Variants in NDRG3 observed in about 807,000 individuals in gnomAD.
NDRG3 encodes protein NDRG3.
Under a neutral mutation model 57.2 loss-of-function variants are expected in NDRG3, and 23 were observed. The ratio of observed to expected loss-of-function variants is 0.40; its 90% CI spans 0.29 to 0.57. NDRG3 has a LOEUF of 0.57. NDRG3 is among the 20% of genes least tolerant of loss of function. The pLI is 0.42. For synonymous variants in NDRG3, 132 were observed against 162.6 expected (o/e 0.81, Z 1.43); for missense variants, 384 against 457.3 (o/e 0.84, Z 1.46).
chr20:36,682,456 A>C (rs2148099727), intron 7 of NDRG3, 62 bp downstream of exon 7: 1 of 1,309,380 alleles, frequency 7.6e-7, no homozygotes, highest in South Asian at 1.2e-5. Flanking sequence ...TTAACACAGC[A>C]GTAATAGCTG....
chr20:36,693,234 A>ATG (rs1982490806), intron 3 of NDRG3, among the ~76,000 whole-genome samples: 2 of 144,528 alleles, frequency 1.4e-5, no homozygotes, highest in East Asian at 2.0e-4. Flanking sequence ...ACGTATATAT[A>ATG]TGTGTGTATA....
chr20:36,712,140 C>T (rs923217377), intron 2 of NDRG3, among the ~76,000 whole-genome samples: 4 of 151,690 alleles, frequency 2.6e-5, no homozygotes, highest in African/African-American at 9.7e-5. Context: ...CCCAGACCCT[C>T]TTGAAGAATG....
Position 36,682,479 on chromosome 20 carries a change from T to C in NDRG3, c.444+39A>G, listed in dbSNP as rs775478162. ...GCAGTAATAGCTGTGACCCAGGCAC[T>C]GCCTCAAGGATGTTGAGGCTAATCC... On this transcript the variant is annotated intron_variant, in intron 7 of 15. Transcript: ENST00000349004. 4 of 1,552,456 alleles carry C rather than the reference T, an allele frequency of 2.6e-6. No individual in the cohort carries two copies. The African/African-American group carries it at 4.1e-5, about 16-fold the overall frequency.
rs1013668304 is a variant in NDRG3 at position 36,687,512 on chromosome 20, A to C, written c.300T>G (p.Gly100=). 6.2e-7 allele frequency: 1 copy of C among 1,613,692 alleles called. No individual in the cohort carries two copies. Among genetic ancestry groups the C allele is most frequent in the Non-Finnish European group, 8.5e-7 (1 of 1,179,956 alleles). The change falls in exon 5 of 16, where the codon GGT becomes GGG. Residue 100 remains glycine (G), a synonymous_variant. Transcript: ENST00000349004. The part of the protein sequence containing the change: ...CHVDAPGQQE[G]APSFPTGYQY... ...CTTACCCTGTTGGGAAAGAGGGTGC[A>C]CCTTCCTGCTGGCCTGGGGCATCCA...
chr20:36,668,786 A>G (rs1979860198), intron 9 of NDRG3: 1 of 151,298 alleles, frequency 6.6e-6, no homozygotes, highest in African/African-American at 2.4e-5. Flanking sequence ...TTATATATAT[A>G]CATAGTTATA....
chr20:36,657,198 C>A (rs1482471657), intron 13 of NDRG3, among the ~76,000 whole-genome samples: 1 of 152,074 alleles, frequency 6.6e-6, no homozygotes, highest in African/African-American at 2.4e-5. Context: ...CGAGATTGTG[C>A]ATTTCTGGCC....
intron 8 of NDRG3, among the ~76,000 whole-genome samples, chr20:36,675,307 G>C (rs1285106854): frequency 6.8e-6 from 1 of 147,560 alleles, no homozygotes; most frequent in Non-Finnish European, 1.5e-5. Flanking sequence ...TGATCCATCT[G>C]CCTCTGCCTC....
Position 36,668,767 on chromosome 20 carries a change from CATACATAGTTATATAT to C in NDRG3, c.589-2391_589-2376del, listed in dbSNP as rs1448375795. On this transcript the variant is annotated intron_variant, in intron 9 of 15. Transcript: ENST00000349004. ...AACATATATTTTTTATATATATGTA[CATACATAGTTATATAT>C]ATACATAGTTATATATAGAGAGAGA... 7.3e-5 allele frequency: 11 copies of C among 151,064 alleles called. No homozygotes were observed. The East Asian group carries it at 1.9e-3, about 27-fold the overall frequency. The allele number at this position is 151,064 out of a possible 1,614,324, so 9.4% of individuals were successfully genotyped here.
intron 12 of NDRG3, among the ~76,000 whole-genome samples, 184 bp from the exon 13 acceptor site, chr20:36,660,568 A>ATT (rs937213463): frequency 2.8e-4 from 41 of 145,280 alleles, no homozygotes; most frequent in African/African-American, 9.8e-4. Flanking sequence ...TTATTTATTT[A>ATT]TTTTTTTTTT....
intron 1 of NDRG3, among the ~76,000 whole-genome samples, chr20:36,745,156 T>C (rs1322568182): frequency 6.6e-6 from 1 of 151,988 alleles, no homozygotes; most frequent in Non-Finnish European, 1.5e-5. Context: ...GGGGAAGCAT[T>C]TGGATTGGGA....
rs181427140 is a variant in NDRG3, at chr20:36,684,667, T to C, written c.321-192A>G. 4.0e-4 allele frequency among the ~76,000 whole-genome samples: 61 copies of C among 152,170 alleles called. No individual in the cohort carries two copies. The East Asian group carries it at 0.012, about 29-fold the overall frequency. ...GAGTTCGAGACCAGCCTGACCAACA[T>C]GGAGAAACCTCATCTCTACTAAAAA... On this transcript the variant is annotated intron_variant, in intron 5 of 15. Transcript: ENST00000349004.
At chr20:36,703,222 A>T (rs564271830) in intron 3 of NDRG3, among the ~76,000 whole-genome samples, 1 of 152,230 alleles carries the variant, frequency 6.6e-6, no homozygotes, top group East Asian at 1.9e-4. Flanking sequence ...ATATACATAT[A>T]TGTATACTAC....
intron 5 of NDRG3, among the ~76,000 whole-genome samples, chr20:36,684,695 C>T (rs918750933): frequency 2.0e-5 from 3 of 151,940 alleles, no homozygotes; most frequent in Non-Finnish European, 4.4e-5. Flanking sequence ...ACTAAAAATA[C>T]AAAATTAGCT....
intron 7 of NDRG3, among the ~76,000 whole-genome samples, chr20:36,681,627 C>A (rs1981302524): frequency 7.5e-6 from 1 of 132,938 alleles, no homozygotes; most frequent in Admixed American, 7.7e-5. Context: ...CACAGCAAGA[C>A]TTCATCTCAA....
chr20:36,737,099 C>G (rs1985647546), intron 1 of NDRG3, among the ~76,000 whole-genome samples: 1 of 152,172 alleles, frequency 6.6e-6, no homozygotes, highest in African/African-American at 2.4e-5. Context: ...AAATCTGAGT[C>G]TGTCTTATAT....
chr20:36,724,278 A>G (rs984371498), intron 1 of NDRG3, among the ~76,000 whole-genome samples: 2 of 152,186 alleles, frequency 1.3e-5, no homozygotes, highest in African/African-American at 4.8e-5. Context: ...GAATATTCCA[A>G]AAGTGTGAAC....
Position 36,731,788 on chromosome 20 carries a change from C to T in NDRG3, c.-48-10005G>A, listed in dbSNP as rs537690925. ...TCGCACCACTGTGCTCCAGCCTGGGCGACAGAGCAAGACTCCATCTCAAAA... is the reference window on the plus strand; with the variant it reads ...TCGCACCACTGTGCTCCAGCCTGGGTGACAGAGCAAGACTCCATCTCAAAA... On this transcript the variant is annotated intron_variant, in intron 1 of 15. Transcript: ENST00000349004. 4.0e-5 allele frequency among the ~76,000 whole-genome samples: 6 copies of T among 148,626 alleles called. No homozygotes were observed. The South Asian group carries it at 6.4e-4, about 16-fold the overall frequency.
chr20:36,676,238 C>CA (rs879334805), intron 8 of NDRG3, among the ~76,000 whole-genome samples: 106 of 147,916 alleles, frequency 7.2e-4, no homozygotes, highest in Non-Finnish European at 9.7e-4. Flanking sequence ...AGATCCGTCT[C>CA]AAAAAAAAAT....
At chr20:36,699,093 T>C (rs1983039000) in intron 3 of NDRG3, among the ~76,000 whole-genome samples, 1 of 151,856 alleles carries the variant, frequency 6.6e-6, no homozygotes, top group Non-Finnish European at 1.5e-5. Flanking sequence ...AGGCGCATAC[T>C]GCTACACCTG....
Sources: gnomAD v4.1 joint callset for allele counts (sites outside exome capture counted in the v4.1 genomes callset) on GRCh38, gnomAD v4.1.1 for gene constraint, MANE v1.5 for transcripts, NCBI Gene and HGNC (gene_info 2026-07-23, HGNC 2026-07-21) for gene names.